Variants in DGKI observed in about 807,000 individuals in gnomAD.
DGKI encodes the protein diacylglycerol kinase iota, also known as DAG kinase iota.
In DGKI, 55 loss-of-function variants were observed where a neutral mutation model predicts 147.5. The observed-to-expected ratio is 0.37, with a 90% CI of 0.30 to 0.47. The LOEUF (loss-of-function observed/expected upper bound fraction) is 0.47, where lower values mean the gene tolerates loss of function less well. DGKI is among the 20% of genes least tolerant of loss of function. The probability of loss-of-function intolerance (pLI) is 1.00; values close to 1 mark genes in which losing one functional copy is unlikely to be tolerated. For synonymous variants in DGKI, 469 were observed against 477.1 expected (o/e 0.98, Z 0.22); for missense variants, 1,007 against 1,323.8 (o/e 0.76, Z 3.71).
chr7:137,512,504 G>A (rs1816612556), intron 21 of DGKI, among the ~76,000 whole-genome samples: 1 of 152,180 alleles, frequency 6.6e-6, no homozygotes, highest in African/African-American at 2.4e-5. Context: ...TTCCAGAGTT[G>A]TCAACCTGGT....
At chr7:137,661,096 C>G (rs2116287941) in intron 3 of DGKI, among the ~76,000 whole-genome samples, 1 of 152,302 alleles carries the variant, frequency 6.6e-6, no homozygotes, top group South Asian at 2.1e-4. Flanking sequence ...TTTATTTCTT[C>G]TTGCAGTGGG....
At chr7:137,656,614 G>A in intron 3 of DGKI, 74 bp from the exon 4 acceptor site, 1 of 1,349,200 alleles carries the variant, frequency 7.4e-7, no homozygotes, top group South Asian at 1.2e-5. Flanking sequence ...GTATTAAAGT[G>A]GGCATATATA....
intron 3 of DGKI, among the ~76,000 whole-genome samples, chr7:137,659,210 C>G (rs1054116222): frequency 2.6e-5 from 4 of 152,082 alleles, no homozygotes; most frequent in Admixed American, 6.5e-5. Flanking sequence ...TCTGAGAAAT[C>G]AGATAATTAC....
intron 1 of DGKI, among the ~76,000 whole-genome samples, chr7:137,700,223 G>A (rs894847552): frequency 1.3e-5 from 2 of 152,184 alleles, no homozygotes; most frequent in African/African-American, 4.8e-5. Flanking sequence ...AGTCATCCCA[G>A]ATGATTCAGG....
chr7:137,591,476 G>C (rs1256895194), intron 12 of DGKI, among the ~76,000 whole-genome samples: 1 of 152,090 alleles, frequency 6.6e-6, no homozygotes, highest in African/African-American at 2.4e-5. Context: ...CACAGCTCCT[G>C]AATAGTTTTT....
At chr7:137,800,044 G>A (rs1312966280) in intron 1 of DGKI, among the ~76,000 whole-genome samples, 1 of 152,162 alleles carries the variant, frequency 6.6e-6, no homozygotes, top group Non-Finnish European at 1.5e-5. Flanking sequence ...TAGGAGGCAT[G>A]GTTGCTTTAG....
chr7:137,807,470 A>T (rs1797416700), intron 1 of DGKI, among the ~76,000 whole-genome samples: 1 of 152,218 alleles, frequency 6.6e-6, no homozygotes, highest in Non-Finnish European at 1.5e-5. Context: ...TATGCTTTTA[A>T]GTACCCTCTA....
chr7:137,552,306 A>G, intron 20 of DGKI, 63 bp downstream of exon 20: 4 of 1,573,922 alleles, frequency 2.5e-6, no homozygotes, highest in Non-Finnish European at 3.5e-6. Flanking sequence ...GACCATGCAC[A>G]TGCTCTGCAC....
intron 3 of DGKI, among the ~76,000 whole-genome samples, chr7:137,661,174 C>T (rs1472385876): frequency 2.6e-5 from 4 of 152,084 alleles, no homozygotes; most frequent in African/African-American, 9.7e-5. Context: ...TGAGCTTGCC[C>T]ACCTCGACAG....
chr7:137,760,935 T>C (rs1266057765), intron 1 of DGKI, among the ~76,000 whole-genome samples: 1 of 152,184 alleles, frequency 6.6e-6, no homozygotes, highest in Non-Finnish European at 1.5e-5. Context: ...TGTTCTCCCA[T>C]GCCTCCTTAG....
At chr7:137,544,007 C>A (rs1412515705) in intron 20 of DGKI, among the ~76,000 whole-genome samples, 1 of 151,964 alleles carries the variant, frequency 6.6e-6, no homozygotes, top group Non-Finnish European at 1.5e-5. Context: ...ATGTAATATT[C>A]AATATATATC....
chr7:137,812,972 C>T (rs2117006966), intron 1 of DGKI, among the ~76,000 whole-genome samples: 1 of 152,288 alleles, frequency 6.6e-6, no homozygotes, highest in Middle Eastern at 3.4e-3. Context: ...GCGAGAACAG[C>T]AGAAATGGTC....
chr7:137,472,396 AAT>A lies in DGKI; in HGVS notation c.2374-2779_2374-2778del, dbSNP rs1815007847. On this transcript the variant is annotated intron_variant, in intron 23 of 32. Coordinates refer to ENST00000614521, the MANE Select transcript of DGKI (RefSeq NM_001321708.2). ...TATTATATGTATATATACATATTAT[AAT>A]TATTATATGTATATATACATATACA... 9.5e-5 allele frequency among the ~76,000 whole-genome samples: 9 copies of A among 94,734 alleles called. 1 individual carries two copies. Among genetic ancestry groups the A allele is most frequent in the African/African-American group, 5.0e-4 (8 of 16,050 alleles). The allele number at this position is 94,734 out of a possible 152,430, so 62.1% of individuals were successfully genotyped here.
intron 20 of DGKI, among the ~76,000 whole-genome samples, chr7:137,529,927 T>C (rs1028944017): frequency 2.0e-5 from 3 of 152,160 alleles, no homozygotes; most frequent in African/African-American, 7.2e-5. Context: ...TTTTGTATTT[T>C]AACTAGAGAT....
At position 137,384,349 on chromosome 7, in the gene DGKI, C is replaced by T. The variant is rs1395275555; in HGVS notation, c.*6871G>A. The T allele has an allele frequency of 1.3e-5, 2 of 151,926 alleles. No homozygotes were observed. The allele number at this position is 151,926 out of a possible 1,614,324, so 9.4% of individuals were successfully genotyped here. A position where few individuals can be genotyped will look rare whatever the true frequency, so the allele number is the denominator to read the frequency against. On this transcript the variant is annotated 3_prime_UTR_variant, in exon 33 of 33. Transcript: ENST00000614521. ...AGCAAAAACTCTGACTTTTTGATTT[C>T]ACATTCTCCCTTATTTCTAACTCAT...
chr7:137,844,937 T>C (rs1798665430), intron 1 of DGKI, among the ~76,000 whole-genome samples: 1 of 152,192 alleles, frequency 6.6e-6, no homozygotes, highest in African/African-American at 2.4e-5. Context: ...CTGAATGTAG[T>C]CCCTGTTCCC....
intron 21 of DGKI, among the ~76,000 whole-genome samples, chr7:137,517,272 GAAAAGAA>G (rs762906781): frequency 0.045 from 3,307 of 73,956 alleles, 39 homozygotes; most frequent in South Asian, 0.089. Flanking sequence ...AAGAAAGAAA[GAAAAGAA>G]AAAGAAAGAA....
chr7:137,571,794 G>A (rs834443), intron 18 of DGKI, among the ~76,000 whole-genome samples: 24,817 of 151,934 alleles, frequency 0.16, 3,651 homozygotes, highest in African/African-American at 0.39. Flanking sequence ...ATGGGAAACA[G>A]AAGAAATTGG....
chr7:137,513,071 T>C (rs578081847), intron 21 of DGKI, among the ~76,000 whole-genome samples: 2 of 152,254 alleles, frequency 1.3e-5, no homozygotes, highest in South Asian at 2.1e-4. Flanking sequence ...CTCAAGCTAT[T>C]TCAAACCTTC....
Sources: allele counts gnomAD v4.1 joint callset (sites outside exome capture counted in the v4.1 genomes callset), GRCh38; gene constraint gnomAD v4.1.1; transcripts MANE v1.5; gene names NCBI Gene and HGNC (gene_info 2026-07-23, HGNC 2026-07-21).